The following ANKRD42 variants were observed in gnomAD, a reference collection of about 807,000 sequenced individuals.
ANKRD42 encodes ankyrin repeat domain-containing protein 42.
ANKRD42 carries 43 observed loss-of-function variants against 51.5 expected under a neutral mutation model. The ratio of observed to expected loss-of-function variants is 0.83; its 90% CI spans 0.65 to 1.08. The LOEUF (loss-of-function observed/expected upper bound fraction) is 1.08. Ranked by LOEUF, ANKRD42 falls within the 50% of genes least tolerant of loss-of-function variation. The probability of loss-of-function intolerance (pLI) is 0.00; values close to 1 mark genes in which losing one functional copy is unlikely to be tolerated. For missense variants in ANKRD42, 608 were observed against 629.3 expected (o/e 0.97, Z 0.36); for synonymous variants, 203 against 213.0 (o/e 0.95, Z 0.41).
chr11:83,205,934 T>C, intron 2 of ANKRD42, 124 bp from the exon 3 acceptor site: 1 of 761,836 alleles, frequency 1.3e-6, no homozygotes. Context: ...TGTGCTTTTG[T>C]TTTTCTTATA....
intron 5 of ANKRD42, among the ~76,000 whole-genome samples, chr11:83,215,396 C>G (rs1862495747): frequency 6.6e-6 from 1 of 151,888 alleles, no homozygotes; most frequent in South Asian, 2.1e-4. Flanking sequence ...GGTCATGTTT[C>G]TTTATACTCT....
intron 6 of ANKRD42, among the ~76,000 whole-genome samples, chr11:83,227,130 G>A (rs893529398): frequency 3.3e-5 from 5 of 152,106 alleles, no homozygotes; most frequent in Admixed American, 3.3e-4. Context: ...CAGGCCGTGA[G>A]AACAAGTGTG....
In ANKRD42 at chr11:83,194,369, T is replaced by C; in HGVS notation, c.-302T>C. The C allele has an allele frequency of 1.6e-6, 1 of 606,454 alleles. No individual in the cohort carries two copies. 37.6% of individuals were successfully genotyped at this position (606,454 alleles called of 1,614,324 possible). A position where few individuals can be genotyped will look rare whatever the true frequency, so the allele number is the denominator to read the frequency against. ...GGGAGTGTCGAAGGCGGCCACAGCGTTGGTAGTTCTTGGGAGGAAGTAAGT... is the reference window on the plus strand; with the variant it reads ...GGGAGTGTCGAAGGCGGCCACAGCGCTGGTAGTTCTTGGGAGGAAGTAAGT... On this transcript the variant is annotated 5_prime_UTR_variant, in exon 1 of 11. Coordinates refer to ENST00000533342, the MANE Select transcript of ANKRD42 (RefSeq NM_001300975.2).
intron 7 of ANKRD42, among the ~76,000 whole-genome samples, chr11:83,228,232 T>C (rs1221255521): frequency 8.7e-5 from 1 of 11,512 alleles, no homozygotes; most frequent in African/African-American, 6.6e-4. Context: ...TCTCTCTCTC[T>C]TTTTTTTTTT....
chr11:83,250,862 C>T (rs1241203718), downstream of ANKRD42, among the ~76,000 whole-genome samples: 1 of 152,118 alleles, frequency 6.6e-6, no homozygotes, highest in African/African-American at 2.4e-5. Flanking sequence ...AACATGTTCT[C>T]TACTTTCACT....
chr11:83,215,818 T>TG (rs146794517), intron 5 of ANKRD42, among the ~76,000 whole-genome samples: 3,195 of 152,214 alleles, frequency 0.021, 120 homozygotes, highest in African/African-American at 0.069. Context: ...TTTTTTCAGA[T>TG]GGAGTCTTGC....
downstream of ANKRD42, chr11:83,260,232 CCTT>C (rs1213480954): frequency 1.3e-5 from 2 of 152,152 alleles, no homozygotes; most frequent in African/African-American, 4.8e-5. Flanking sequence ...ATGTCTCTCT[CCTT>C]AAGATTGTCA....
At chr11:83,207,906 C>CT (rs1862139483) in intron 3 of ANKRD42, among the ~76,000 whole-genome samples, 1 of 152,146 alleles carries the variant, frequency 6.6e-6, no homozygotes, top group South Asian at 2.1e-4. Context: ...CTTGGATAGA[C>CT]TGGTTTTGTA....
At chr11:83,245,759 T>A in intron 10 of ANKRD42, 135 bp downstream of exon 10, 1 of 990,466 alleles carries the variant, frequency 1.0e-6, no homozygotes, top group Non-Finnish European at 1.4e-6. Flanking sequence ...TCCTAAGCCC[T>A]TAGATGACAA....
downstream of ANKRD42, among the ~76,000 whole-genome samples, chr11:83,249,370 C>A (rs544614814): frequency 1.3e-5 from 2 of 152,074 alleles, no homozygotes; most frequent in Non-Finnish European, 2.9e-5. Flanking sequence ...ACACACCTGG[C>A]CAATTAGTTT....
Position 83,198,588 on chromosome 11 carries a change from T to C in ANKRD42, c.168T>C (p.Asp56=). ...VVRGASINEL[D]VLHKFTPLHW... is the part of the protein sequence containing the mutation. ...GTGGAGCCAGCATTAATGAACTTGA[T>C]GTTCTCCATAAGTTTACCCCTTTAC... The change falls in exon 2 of 11, where the codon GAT becomes GAC. Residue 56 remains aspartate (D), a synonymous_variant. Coordinates refer to ENST00000533342, the MANE Select transcript of ANKRD42 (RefSeq NM_001300975.2). The C allele has an allele frequency of 6.2e-7, 1 of 1,612,922 alleles. No individual in the cohort carries two copies. Among genetic ancestry groups the C allele is most frequent in the African/African-American group, 1.3e-5 (1 of 75,036 alleles).
intron 6 of ANKRD42, among the ~76,000 whole-genome samples, chr11:83,227,093 G>T (rs1862909639): frequency 6.6e-6 from 1 of 152,100 alleles, no homozygotes; most frequent in African/African-American, 2.4e-5. Context: ...TATCTTATAA[G>T]CAGAAAAGGA....
intron 8 of ANKRD42, among the ~76,000 whole-genome samples, chr11:83,236,850 A>G (rs1591002330): frequency 1.3e-5 from 2 of 152,344 alleles, no homozygotes; most frequent in Non-Finnish European, 2.9e-5. Context: ...GTAATTCATG[A>G]TTTGTCCCAT....
chr11:83,204,460 A>G (rs1217380711), intron 2 of ANKRD42, among the ~76,000 whole-genome samples: 1 of 152,198 alleles, frequency 6.6e-6, no homozygotes, highest in African/African-American at 2.4e-5. Context: ...GATGGGAACA[A>G]TAGACACTGG....
intron 5 of ANKRD42, among the ~76,000 whole-genome samples, chr11:83,217,867 A>G (rs973805727): frequency 6.6e-6 from 1 of 152,176 alleles, no homozygotes; most frequent in East Asian, 1.9e-4. Context: ...ACCAGGGTCT[A>G]CCTGTCTGAG....
intron 3 of ANKRD42, 194 bp from the exon 4 acceptor site, chr11:83,210,106 T>C: frequency 2.1e-6 from 1 of 484,762 alleles, no homozygotes; most frequent in Non-Finnish European, 3.5e-6. Context: ...GTTTTTGTAA[T>C]CTAAAAAAAA....
At chr11:83,252,333 A>G (rs1485765552), downstream of ANKRD42, among the ~76,000 whole-genome samples, 3 of 152,228 alleles carry the variant, frequency 2.0e-5, no homozygotes, top group African/African-American at 7.2e-5. Context: ...ACTTTGGAAA[A>G]TTAATTCCTA....
chr11:83,248,846 A>G lies in ANKRD42; in HGVS notation c.*642A>G, dbSNP rs761212762. ...TACATACCATATTAGACAAAATTCTATTTATCTGCAAACATGTATGTGTAT... is the reference window on the plus strand; with the variant it reads ...TACATACCATATTAGACAAAATTCTGTTTATCTGCAAACATGTATGTGTAT... On this transcript the variant is annotated 3_prime_UTR_variant, in exon 11 of 11. Coordinates refer to ENST00000533342, the MANE Select transcript of ANKRD42 (RefSeq NM_001300975.2). 24 of 981,816 alleles carry G rather than the reference A, an allele frequency of 2.4e-5. No homozygotes were observed. The highest frequency in any genetic ancestry group is 1.3e-5 in the Non-Finnish European group (11 of 826,726). 60.8% of individuals were successfully genotyped at this position (981,816 alleles called of 1,614,324 possible). A position where few individuals can be genotyped will look rare whatever the true frequency, so the allele number is the denominator to read the frequency against.
chr11:83,241,327 G>C (rs1043422339), intron 9 of ANKRD42, among the ~76,000 whole-genome samples: 4 of 152,294 alleles, frequency 2.6e-5, no homozygotes, highest in Admixed American at 2.0e-4. Context: ...AAGTAATGGT[G>C]AACAATACAA....
Sources: allele counts gnomAD v4.1 joint callset (sites outside exome capture counted in the v4.1 genomes callset), GRCh38; gene constraint gnomAD v4.1.1; transcripts MANE v1.5; gene names NCBI Gene and HGNC (gene_info 2026-07-23, HGNC 2026-07-21).